The following ANK2 variants were observed in gnomAD, a reference collection of about 807,000 sequenced individuals.
The protein encoded by ANK2 is ankyrin 2.
ANK2 carries 83 observed loss-of-function variants against 360.5 expected under a neutral mutation model. The ratio of observed to expected loss-of-function variants is 0.23; its 90% confidence interval spans 0.19 to 0.28. ANK2 has a LOEUF of 0.28. ANK2 is among the 10% of genes least tolerant of loss of function. The pLI is 1.00. For missense variants in ANK2, 4,201 were observed against 4,795.7 expected (o/e 0.88, Z 3.66); for synonymous variants, 1,740 against 1,759.5 (o/e 0.99, Z 0.28).
chr4:112,962,259 A>G (rs902413187), intron 2 of ANK2, among the ~76,000 whole-genome samples: 1 of 152,024 alleles, frequency 6.6e-6, no homozygotes, highest in Admixed American at 6.6e-5. Flanking sequence ...TGAGTAGTCA[A>G]TGTTTAGCTC....
intron 1 of ANK2, chr4:113,116,885 C>G (rs2094847785): frequency 4.7e-6 from 1 of 213,516 alleles, no homozygotes; most frequent in African/African-American, 2.3e-5. Context: ...AAAGACTGTT[C>G]CAATTGGTGA....
In ANK2 at chr4:113,357,354, C is replaced by T. The variant is rs1240457183; in HGVS notation, c.8736C>T (p.Asp2912=). ...TTTCCATGGATGTTCCCGTGTCTGA[C>T]CTAGCTGAGAATGATGAAATCTATG... is the stretch of plus-strand genomic sequence containing the variant. The part of the protein sequence containing the change: ...DRFSMDVPVS[D]LAENDEIYDP... The change falls in exon 38 of 46, where the codon GAC becomes GAT. Residue 2912 remains aspartate (D), a synonymous_variant. Transcript: ENST00000357077. The T allele has an allele frequency of 6.2e-7, 1 of 1,613,924 alleles. No homozygotes were observed. The highest frequency in any genetic ancestry group is 8.5e-7 in the Non-Finnish European group (1 of 1,179,984).
the ANK2 span, among the ~76,000 whole-genome samples, chr4:112,713,783 A>T: frequency 3.5e-3 from 526 of 151,788 alleles, 2 homozygotes; most frequent in Admixed American, 7.1e-3. Context: ...TGCAAAAAAA[A>T]ATTAGCCGGG....
At chr4:112,930,379 G>T (rs1451841555) in intron 2 of ANK2, among the ~76,000 whole-genome samples, 1 of 151,648 alleles carries the variant, frequency 6.6e-6, no homozygotes, top group Non-Finnish European at 1.5e-5. Context: ...GTCCAGGGAG[G>T]TCAAGGCTAT....
At chr4:112,800,065 T>C in the ANK2 span, among the ~76,000 whole-genome samples, 5 of 152,154 alleles carry the variant, frequency 3.3e-5, no homozygotes, top group Non-Finnish European at 7.4e-5. Flanking sequence ...CATCCATTCA[T>C]TGGGTCAATG....
At chr4:112,856,668 C>T (rs1355156389) in intron 1 of ANK2, among the ~76,000 whole-genome samples, 1 of 152,212 alleles carries the variant, frequency 6.6e-6, no homozygotes, top group Non-Finnish European at 1.5e-5. Context: ...GCAGAGGTTG[C>T]AGTGAGCCAA....
chr4:112,958,856 T>C (rs945660627), intron 2 of ANK2, among the ~76,000 whole-genome samples: 3 of 143,916 alleles, frequency 2.1e-5, no homozygotes, highest in Non-Finnish European at 3.0e-5. Flanking sequence ...TTTCTTTTTC[T>C]TTTTTTTTGG....
chr4:113,256,226 A>T (rs951791819), intron 11 of ANK2, among the ~76,000 whole-genome samples: 1 of 152,266 alleles, frequency 6.6e-6, no homozygotes, highest in Non-Finnish European at 1.5e-5. Flanking sequence ...AATGGAAAAT[A>T]GAAGTTGAAA....
the ANK2 span, among the ~76,000 whole-genome samples, chr4:112,810,554 A>T: frequency 6.6e-6 from 1 of 151,396 alleles, no homozygotes; most frequent in Admixed American, 6.6e-5. Context: ...TGCTTATTTT[A>T]TTTTATTTTA....
intron 9 of ANK2, among the ~76,000 whole-genome samples, chr4:113,247,726 G>A (rs1029153016): frequency 1.4e-4 from 22 of 152,148 alleles, no homozygotes; most frequent in Admixed American, 6.5e-4. Flanking sequence ...CATGGTGACC[G>A]ATTTGAGATT....
chr4:112,773,247 G>A, the ANK2 span, among the ~76,000 whole-genome samples: 1 of 152,196 alleles, frequency 6.6e-6, no homozygotes, highest in Non-Finnish European at 1.5e-5. Context: ...AGCTCGGGAA[G>A]TTGGGGCTGT....
intron 21 of ANK2, 110 bp downstream of exon 21, chr4:113,292,624 C>A (rs75372573): frequency 4.2e-6 from 5 of 1,180,466 alleles, no homozygotes; most frequent in Non-Finnish European, 6.1e-6. Flanking sequence ...TTAAATAAGC[C>A]CCCTGGACTC....
At chr4:112,729,013 C>A in the ANK2 span, among the ~76,000 whole-genome samples, 1 of 151,966 alleles carries the variant, frequency 6.6e-6, no homozygotes, top group Non-Finnish European at 1.5e-5. Context: ...TGGAGATCAA[C>A]CTGGGCAATA....
intron 1 of ANK2, among the ~76,000 whole-genome samples, chr4:112,845,859 G>A (rs2063172529): frequency 6.6e-6 from 1 of 152,178 alleles, no homozygotes; most frequent in Non-Finnish European, 1.5e-5. Context: ...CGGTGGTTCT[G>A]GGGTAGGATC....
upstream of ANK2, among the ~76,000 whole-genome samples, chr4:112,815,506 G>T (rs956079706): frequency 1.3e-5 from 2 of 152,092 alleles, no homozygotes; most frequent in African/African-American, 4.8e-5. Flanking sequence ...CTATTCATAA[G>T]GCCCTTTCAA....
intron 1 of ANK2, among the ~76,000 whole-genome samples, chr4:113,143,125 A>C (rs938963985): frequency 6.6e-6 from 1 of 152,154 alleles, no homozygotes; most frequent in Non-Finnish European, 1.5e-5. Flanking sequence ...ACTAGTGTGC[A>C]TATTTAGGTA....
chr4:113,220,555 A>C (rs1279931009), intron 4 of ANK2, among the ~76,000 whole-genome samples: 1 of 152,088 alleles, frequency 6.6e-6, no homozygotes, highest in Non-Finnish European at 1.5e-5. Flanking sequence ...TAAAATATTC[A>C]TTTGCTTTCT....
chr4:113,320,305 C>T (rs1215644247), intron 26 of ANK2, among the ~76,000 whole-genome samples: 2 of 152,138 alleles, frequency 1.3e-5, no homozygotes, highest in Non-Finnish European at 2.9e-5. Context: ...TTAATACTGA[C>T]TCTGGATAAT....
chr4:113,365,248 T>A (rs2096473839), intron 41 of ANK2, 66 bp downstream of exon 41: 1 of 1,553,374 alleles, frequency 6.4e-7, no homozygotes, highest in African/African-American at 1.4e-5. Flanking sequence ...CTGTGTGTGG[T>A]TAATTGAGGC....
Sources: gnomAD v4.1 joint callset for allele counts (sites outside exome capture counted in the v4.1 genomes callset) on GRCh38, gnomAD v4.1.1 for gene constraint, MANE v1.5 for transcripts, NCBI Gene and HGNC (gene_info 2026-07-23, HGNC 2026-07-21) for gene names.